Variants in CACNA1G observed in about 807,000 individuals in gnomAD.
CACNA1G encodes the protein calcium voltage-gated channel subunit alpha1 G.
CACNA1G carries 67 observed loss-of-function variants against 219.4 expected under a neutral mutation model. The ratio of observed to expected loss-of-function variants is 0.31; its 90% CI spans 0.25 to 0.37. CACNA1G has a LOEUF of 0.37. Among genes scored for constraint, CACNA1G ranks in the 10% least tolerant of loss-of-function variants. CACNA1G has a pLI of 1.00. For missense variants in CACNA1G, 2,380 were observed against 3,231.4 expected (o/e 0.74, Z 6.39); for synonymous variants, 1,296 against 1,345.3 (o/e 0.96, Z 0.80).
chr17:50,598,754 T>C (rs549788823), intron 16 of CACNA1G, among the ~76,000 whole-genome samples: 181 of 152,334 alleles, frequency 1.2e-3, no homozygotes, highest in African/African-American at 3.8e-3. Context: ...CTCCTTTTTT[T>C]TGAGATGGAG....
intron 14 of CACNA1G, among the ~76,000 whole-genome samples, chr17:50,595,662 C>T (rs1374062998): frequency 6.6e-6 from 1 of 152,272 alleles, no homozygotes; most frequent in East Asian, 1.9e-4. Context: ...GGCTGGCTCC[C>T]GGTCTGGCCC....
Position 50,612,760 on chromosome 17 carries a change from G to C in CACNA1G, c.4760-2601G>C, listed in dbSNP as rs1275697540. ...CTCCCTGCCCCGAAGTGGGGACCTG[G>C]GCTGCCCTAGATATGCCCTTCCCCC... is the stretch of plus-strand genomic sequence containing the variant. On this transcript the variant is annotated intron_variant, in intron 26 of 37. Transcript: ENST00000359106. 2.6e-5 allele frequency among the ~76,000 whole-genome samples: 4 copies of C among 152,294 alleles called. No homozygotes were observed. The East Asian group carries it at 7.7e-4, about 29-fold the overall frequency.
chr17:50,589,494 G>T (rs1057373654), intron 9 of CACNA1G, among the ~76,000 whole-genome samples: 3 of 152,164 alleles, frequency 2.0e-5, no homozygotes, highest in Non-Finnish European at 4.4e-5. Flanking sequence ...CCTGGGAGGC[G>T]GGGCGTGTGG....
Position 50,600,634 on chromosome 17 carries a change from A to G in CACNA1G, c.3691-92A>G. 9.4e-7 allele frequency: 1 copy of G among 1,066,842 alleles called. No homozygotes were observed. Among genetic ancestry groups the G allele is most frequent in the Non-Finnish European group, 1.4e-6 (1 of 695,602 alleles). The allele number at this position is 1,066,842 out of a possible 1,614,324, so 66.1% of individuals were successfully genotyped here. A position where few individuals can be genotyped will look rare whatever the true frequency, so the allele number is the denominator to read the frequency against. On this transcript the variant is annotated intron_variant, in intron 17 of 37. Transcript: ENST00000359106. The surrounding 1 kb of genome is among the most constrained non-coding windows in gnomAD (Gnocchi z 4.1). ...TTGGGCCCCAGGTGGGAGAGGGTAG[A>G]CAAGGAGTGAGGCTCGTGACTCTGC...
At position 50,627,337 on chromosome 17, in the gene CACNA1G, T is replaced by C; in HGVS notation, c.*586T>C. On this transcript the variant is annotated 3_prime_UTR_variant, in exon 38 of 38. Coordinates refer to ENST00000359106, the MANE Select transcript of CACNA1G (RefSeq NM_018896.5). ...ATTTTTTCCTTTAACCTCGTCATCATTTTCTGTAGGGAAAAAAAAAAGAAA... is the reference window on the plus strand; with the variant it reads ...ATTTTTTCCTTTAACCTCGTCATCACTTTCTGTAGGGAAAAAAAAAAGAAA... 2.5e-6 allele frequency: 1 copy of C among 400,632 alleles called. No homozygotes were observed. Among genetic ancestry groups the C allele is most frequent in the Non-Finnish European group, 4.9e-6 (1 of 204,994 alleles). The allele number at this position is 400,632 out of a possible 1,614,324, so 24.8% of individuals were successfully genotyped here. A position where few individuals can be genotyped will look rare whatever the true frequency, so the allele number is the denominator to read the frequency against.
In CACNA1G at chr17:50,600,600, G is replaced by A; in HGVS notation, c.3691-126G>A. The A allele has an allele frequency of 2.7e-6, 2 of 752,546 alleles. No homozygotes were observed. The highest frequency in any genetic ancestry group is 2.2e-5 in the Admixed American group (1 of 46,054). The allele number at this position is 752,546 out of a possible 1,614,324, so 46.6% of individuals were successfully genotyped here. On this transcript the variant is annotated intron_variant, in intron 17 of 37. Coordinates refer to ENST00000359106, the MANE Select transcript of CACNA1G (RefSeq NM_018896.5). The surrounding 1 kb of genome is among the most constrained non-coding windows in gnomAD (Gnocchi z 4.1). ...CTTTAGGAATAAAGGAAGAGAGGCAGGGCAGAGCTTGGGCCCCAGGTGGGA... is the reference window on the plus strand; with the variant it reads ...CTTTAGGAATAAAGGAAGAGAGGCAAGGCAGAGCTTGGGCCCCAGGTGGGA...
chr17:50,572,538 C>A lies in CACNA1G; in HGVS notation c.747-16C>A. ...CACTCCCCAGTCTCACCCCTGTTCC[C>A]CTTCCCATCCTGCAGCCCCCTGAGC... On this transcript the variant is annotated splice_polypyrimidine_tract_variant and intron_variant, in intron 5 of 37. Transcript: ENST00000359106. The A allele has an allele frequency of 6.6e-7, 1 of 1,516,850 alleles. No homozygotes were observed. 94.0% of individuals were successfully genotyped at this position (1,516,850 alleles called of 1,614,324 possible).
intron 16 of CACNA1G, among the ~76,000 whole-genome samples, chr17:50,598,582 G>C (rs748673957): frequency 6.6e-5 from 10 of 152,286 alleles, no homozygotes; most frequent in African/African-American, 1.7e-4. Flanking sequence ...AGGACACAAG[G>C]GTTCCCTTTT....
chr17:50,621,439 G>A lies in CACNA1G; in HGVS notation c.5926-221G>A, dbSNP rs1461010485. 1.3e-5 allele frequency among the ~76,000 whole-genome samples: 2 copies of A among 152,116 alleles called. No homozygotes were observed. The highest frequency in any genetic ancestry group is 4.8e-5 in the African/African-American group (2 of 41,418). On this transcript the variant is annotated intron_variant, in intron 34 of 37. Coordinates refer to ENST00000359106, the MANE Select transcript of CACNA1G (RefSeq NM_018896.5). The surrounding 1 kb of genome is among the most constrained non-coding windows in gnomAD (Gnocchi z 4.6). The stretch of plus-strand genomic sequence containing the variant: ...TTGCTCTGGCTCTTCAGTGCCTGCC[G>A]CAGCCTCTCTGATCAGAGCAGGGGG...
chr17:50,576,260 A>T lies in CACNA1G; in HGVS notation c.1858A>T (p.Thr620Ser). Residue 620 changes from threonine (T) to serine (S), a missense_variant, in exon 8 of 38, where the codon ACC (threonine) becomes TCC (serine). Around this residue, in one of 17 missense-constraint regions of CACNA1G, gnomAD observed 434 missense variants for 417.3 expected, o/e 1.04. Coordinates refer to ENST00000359106, the MANE Select transcript of CACNA1G (RefSeq NM_018896.5). Reference protein sequence around the residue: ...VAASSGPPTLTSLNIPPGPYS... With the variant: ...VAASSGPPTLSSLNIPPGPYS... ...TGCCAGCTCTGGGCCCCCAACCCTCACCAGCCTCAACATCCCACCCGGGCC... is the reference window on the plus strand; with the variant it reads ...TGCCAGCTCTGGGCCCCCAACCCTCTCCAGCCTCAACATCCCACCCGGGCC... 6.3e-7 allele frequency: 1 copy of T among 1,588,542 alleles called. No homozygotes were observed. Among genetic ancestry groups the T allele is most frequent in the Non-Finnish European group, 8.6e-7 (1 of 1,168,754 alleles).
chr17:50,618,687 C>T lies in CACNA1G; in HGVS notation c.5460C>T (p.Thr1820=). Residue 1820 remains threonine, a synonymous_variant, in exon 33 of 38, where the codon ACC becomes ACT. Transcript: ENST00000359106. The surrounding 1 kb of genome is among the most constrained non-coding windows in gnomAD (Gnocchi z 5.3). ...DTLRDCDQES[T]CYNTVISPIY... ...TCCGGGACTGTGACCAGGAGTCCAC[C>T]TGCTACAACACGGTCATCTCGCCTA... The T allele has an allele frequency of 6.2e-7, 1 of 1,613,832 alleles. No homozygotes were observed. Among genetic ancestry groups the T allele is most frequent in the Non-Finnish European group, 8.5e-7 (1 of 1,179,744 alleles).
chr17:50,589,239 T>TC (rs1222333442), intron 9 of CACNA1G, among the ~76,000 whole-genome samples: 1 of 151,678 alleles, frequency 6.6e-6, no homozygotes, highest in Non-Finnish European at 1.5e-5. Flanking sequence ...TTGCTCATGA[T>TC]CCCCCCACCC....
chr17:50,566,011 G>C (rs774922932), intron 1 of CACNA1G, among the ~76,000 whole-genome samples: 1 of 152,158 alleles, frequency 6.6e-6, no homozygotes, highest in Non-Finnish European at 1.5e-5. Flanking sequence ...GTCTCTCATA[G>C]TCACTATGGC....
intron 37 of CACNA1G, among the ~76,000 whole-genome samples, chr17:50,625,171 C>G (rs1267813821): frequency 6.6e-6 from 1 of 152,126 alleles, no homozygotes; most frequent in African/African-American, 2.4e-5. Flanking sequence ...AGGCTGAGCT[C>G]GAGCTCCCAA....
At chr17:50,585,745 C>T (rs1043131418) in intron 9 of CACNA1G, among the ~76,000 whole-genome samples, 13 of 152,142 alleles carry the variant, frequency 8.5e-5, no homozygotes, top group Non-Finnish European at 2.9e-5. Flanking sequence ...AAACCTCCTG[C>T]CACCGAGGTG....
At chr17:50,584,092 G>A (rs1230198476) in intron 9 of CACNA1G, among the ~76,000 whole-genome samples, 3 of 152,188 alleles carry the variant, frequency 2.0e-5, no homozygotes, top group Non-Finnish European at 4.4e-5. Flanking sequence ...CCGGGAAGGA[G>A]CAGGTTTGGG....
Position 50,621,573 on chromosome 17 carries a change from G to A in CACNA1G, c.5926-87G>A. The A allele has an allele frequency of 7.0e-7, 1 of 1,438,498 alleles. No homozygotes were observed. The allele number at this position is 1,438,498 out of a possible 1,614,324, so 89.1% of individuals were successfully genotyped here. A position where few individuals can be genotyped will look rare whatever the true frequency, so the allele number is the denominator to read the frequency against. ...GTGCTTCGTGAAAAGGGGGAAGTGG[G>A]GACTGAGAGAGAGCGCGTGTGTGCG... is the stretch of plus-strand genomic sequence containing the variant. On this transcript the variant is annotated intron_variant, in intron 34 of 37. Coordinates refer to ENST00000359106, the MANE Select transcript of CACNA1G (RefSeq NM_018896.5). The surrounding 1 kb of genome is among the most constrained non-coding windows in gnomAD (Gnocchi z 4.6).
Position 50,590,585 on chromosome 17 carries a change from C to G in CACNA1G, c.2416C>G (p.Pro806Ala), listed in dbSNP as rs1356348818. The change falls in exon 10 of 38, where the codon CCC becomes GCC. Residue 806 changes from proline to alanine, a missense_variant. By Grantham distance (27) the Pro-to-Ala change is conservative. Transcript: ENST00000359106. ...TGGTCCCTTTGGCTACATCAAGAAT[C>G]CCTACAACATCTTCGATGGTGTCAT... ...VYGPFGYIKN[P>A]YNIFDGVIVV... 1 of 1,613,978 alleles carries G rather than the reference C, an allele frequency of 6.2e-7. No individual in the cohort carries two copies. The highest frequency in any genetic ancestry group is 8.5e-7 in the Non-Finnish European group (1 of 1,179,860).
Position 50,572,769 on chromosome 17 carries a change from C to A in CACNA1G, c.962C>A (p.Thr321Asn), listed in dbSNP as rs1472177696. 6.2e-7 allele frequency: 1 copy of A among 1,614,044 alleles called. No homozygotes were observed. The change falls in exon 6 of 38, where the codon ACC becomes AAC. Residue 321 changes from threonine to asparagine, a missense_variant. Transcript: ENST00000359106. The stretch of plus-strand genomic sequence containing the variant: ...TGTGTCAACTGGAACCAGTACTACA[C>A]CAACTGCTCAGCGGGGGAGCACAAC... ...TTCVNWNQYY[T>N]NCSAGEHNPF...
Sources: gnomAD v4.1 joint callset for allele counts (sites outside exome capture counted in the v4.1 genomes callset) on GRCh38, gnomAD v4.1.1 for gene constraint, gnomAD v4.1.1 regional missense constraint, Gnocchi (gnomAD v3.1) non-coding constraint, MANE v1.5 for transcripts, NCBI Gene and HGNC (gene_info 2026-07-23, HGNC 2026-07-21) for gene names.